Variants in NAV1 observed in about 807,000 individuals in gnomAD.
The protein encoded by NAV1 is neuron navigator 1, also known as pore membrane and/or filament interacting like protein 3.
In NAV1, 18 loss-of-function variants were observed where a neutral mutation model predicts 175.2. That is an observed-to-expected ratio of 0.10 (90% CI 0.07 to 0.15). The LOEUF (loss-of-function observed/expected upper bound fraction) is 0.15, where lower values mean the gene tolerates loss of function less well. Among genes scored for constraint, NAV1 ranks in the 10% least tolerant of loss-of-function variants. The pLI, the probability that NAV1 is intolerant of heterozygous loss-of-function variation, is 1.00. For synonymous variants in NAV1, 897 were observed against 978.7 expected, an observed-to-expected ratio of 0.92 and a Z score of 1.56; for missense variants, 1,731 against 2,436.6, an observed-to-expected ratio of 0.71 and a Z score of 6.10.
In NAV1 at chr1:201,616,818, G is replaced by A. The variant is rs190378161; in HGVS notation, c.-32-6035G>A. Among the ~76,000 whole-genome samples, 22 of 152,284 alleles carry A rather than the reference G, an allele frequency of 1.4e-4. No homozygotes were observed. The East Asian group carries it at 3.9e-3, about 27-fold the overall frequency. ...GTCTCTCTTGATGCATGCACTGCCT[G>A]CACATGTTACTTGTCACGAGTGTGC... On this transcript the variant is annotated intron_variant, in intron 2 of 33. Coordinates refer to the NAV1 transcript ENST00000685211.
At chr1:201,594,884 T>G (rs1023117217) in intron 2 of NAV1, among the ~76,000 whole-genome samples, 1 of 152,182 alleles carries the variant, frequency 6.6e-6, no homozygotes, top group African/African-American at 2.4e-5. Context: ...GGGTCAGGCC[T>G]GAGAAAGGGA....
intron 2 of NAV1, among the ~76,000 whole-genome samples, chr1:201,639,919 G>A (rs1668703875): frequency 6.6e-6 from 1 of 152,116 alleles, no homozygotes; most frequent in Non-Finnish European, 1.5e-5. Flanking sequence ...CACACGGTGG[G>A]CAGGCTCATC....
At chr1:201,728,614 A>AG (rs1480053767) in intron 3 of NAV1, among the ~76,000 whole-genome samples, 1 of 151,396 alleles carries the variant, frequency 6.6e-6, no homozygotes, top group East Asian at 1.9e-4. Context: ...AAAAAAAAAA[A>AG]AGAAAAGAAA....
At chr1:201,729,414 G>T (rs910868603) in intron 3 of NAV1, among the ~76,000 whole-genome samples, 1 of 152,218 alleles carries the variant, frequency 6.6e-6, no homozygotes, top group Non-Finnish European at 1.5e-5. Flanking sequence ...GGAGGCCAAG[G>T]TGGATCACTT....
At chr1:201,568,599 G>A (rs909132997) in intron 1 of NAV1, among the ~76,000 whole-genome samples, 1 of 152,134 alleles carries the variant, frequency 6.6e-6, no homozygotes, top group African/African-American at 2.4e-5. Context: ...GTGGCAATTA[G>A]GCGTGTTGTT....
rs758939945 is a variant in NAV1, at chr1:201,788,551, G to A, written c.3079G>A (p.Gly1027Ser). The A allele has an allele frequency of 1.1e-5, 17 of 1,613,998 alleles. No homozygotes were observed. Among genetic ancestry groups the A allele is most frequent in the South Asian group, 2.2e-5 (2 of 91,080 alleles). Residue 1027 changes from glycine to serine, a missense_variant, in exon 10 of 30, where the codon GGC becomes AGC. Physicochemically the swap from Gly to Ser is moderately conservative, Grantham distance 56. This residue lies in a region of NAV1 where 634 missense variants were observed against 766.8 expected (regional missense o/e 0.83). Transcript: ENST00000367296. This position sits in a 1 kb window ranked among gnomAD's most constrained non-coding sequence, Gnocchi z 5.7. The stretch of plus-strand genomic sequence containing the variant: ...CGAGGCGGCCTTCGAGCTGTACAGC[G>A]GCTCCCAAATGGGGAGCACCCTGTC...
intron 1 of NAV1, among the ~76,000 whole-genome samples, chr1:201,666,685 G>A (rs1218697619): frequency 6.6e-6 from 1 of 152,128 alleles, no homozygotes; most frequent in African/African-American, 2.4e-5. Context: ...CCTGTACCCT[G>A]GGGGAGAAAG....
At chr1:201,631,111 C>A (rs911341520) in intron 2 of NAV1, among the ~76,000 whole-genome samples, 2 of 152,164 alleles carry the variant, frequency 1.3e-5, no homozygotes, top group East Asian at 3.9e-4. Flanking sequence ...GAGGGTTTTA[C>A]CAGAAAAGTG....
At chr1:201,585,977 A>G (rs998076504) in intron 1 of NAV1, among the ~76,000 whole-genome samples, 2 of 152,218 alleles carry the variant, frequency 1.3e-5, no homozygotes, top group Admixed American at 1.3e-4. Flanking sequence ...TAGACACCCA[A>G]AAGAATTTGC....
chr1:201,607,870 TTG>T (rs57110688), intron 2 of NAV1, among the ~76,000 whole-genome samples: 4,775 of 138,194 alleles, frequency 0.035, 112 homozygotes, highest in African/African-American at 0.065. Context: ...GATAACTTTA[TTG>T]TGTGTGTGTG....
intron 29 of NAV1, among the ~76,000 whole-genome samples, chr1:201,819,627 C>T (rs1252545242): frequency 4.6e-5 from 7 of 152,044 alleles, no homozygotes; most frequent in East Asian, 3.9e-4. Flanking sequence ...TGTGCCACCA[C>T]GCCTGGCCAG....
exon 30 of NAV1, chr1:201,826,661 C>T (rs1036517210): frequency 6.6e-6 from 1 of 152,172 alleles, no homozygotes; most frequent in Admixed American, 6.5e-5. Flanking sequence ...TTGACCCTCC[C>T]CTCTTTCAAC....
intron 2 of NAV1, among the ~76,000 whole-genome samples, chr1:201,603,308 A>C (rs1194399271): frequency 3.3e-5 from 5 of 152,172 alleles, no homozygotes; most frequent in Non-Finnish European, 7.3e-5. Context: ...TGCCACCTTA[A>C]GTATCTCTTC....
intron 1 of NAV1, among the ~76,000 whole-genome samples, chr1:201,684,431 C>T (rs1471131486): frequency 1.3e-5 from 2 of 150,756 alleles, no homozygotes; most frequent in Non-Finnish European, 2.9e-5. Context: ...CAACGCTAAC[C>T]TAATAGCACG....
chr1:201,677,263 A>AAAAAT (rs1670286990), intron 1 of NAV1, among the ~76,000 whole-genome samples: 1 of 151,500 alleles, frequency 6.6e-6, no homozygotes, highest in Non-Finnish European at 1.5e-5. Context: ...AAAAAAAAAA[A>AAAAAT]AAAAAAGAAT....
chr1:201,805,743 T>G (rs757798742), intron 17 of NAV1, among the ~76,000 whole-genome samples: 23 of 151,954 alleles, frequency 1.5e-4, no homozygotes, highest in Middle Eastern at 3.4e-3. Flanking sequence ...GGCAACATAG[T>G]GAAATCCTGC....
chr1:201,725,206 C>T (rs1396850277), intron 3 of NAV1, among the ~76,000 whole-genome samples: 1 of 152,228 alleles, frequency 6.6e-6, no homozygotes, highest in Non-Finnish European at 1.5e-5. Context: ...AGAGAAGAGA[C>T]CCCTTTTGAA....
chr1:201,712,594 A>G (rs1394079066), intron 1 of NAV1, among the ~76,000 whole-genome samples: 1 of 152,054 alleles, frequency 6.6e-6, no homozygotes, highest in Admixed American at 6.6e-5. Flanking sequence ...CCATGCCTGT[A>G]CCCCCTGCCA....
chr1:201,657,201 C>G (rs527300979), intron 1 of NAV1, among the ~76,000 whole-genome samples: 90 of 152,318 alleles, frequency 5.9e-4, no homozygotes, highest in African/African-American at 2.1e-3. Flanking sequence ...TCTTGTTCCT[C>G]AAGCCAAAAT....
Sources: gnomAD v4.1 joint callset for allele counts (sites outside exome capture counted in the v4.1 genomes callset) on GRCh38, gnomAD v4.1.1 for gene constraint, gnomAD v4.1.1 regional missense constraint, Gnocchi (gnomAD v3.1) non-coding constraint, MANE v1.5 for transcripts, NCBI Gene and HGNC (gene_info 2026-07-23, HGNC 2026-07-21) for gene names.